TANGO2: variants seen among roughly 807,000 people sequenced by gnomAD.
TANGO2 encodes the protein transport and Golgi organization protein 2 homolog.
In TANGO2, 26 loss-of-function variants were observed where a neutral mutation model predicts 39.1. The ratio of observed to expected loss-of-function variants is 0.67; its 90% CI spans 0.49 to 0.92. TANGO2 has a LOEUF of 0.92. Among genes scored for constraint, TANGO2 ranks in the 40% least tolerant of loss-of-function variants. The pLI, the probability that TANGO2 is intolerant of heterozygous loss-of-function variation, is 0.00. For missense variants in TANGO2, 326 were observed against 360.1 expected (o/e 0.91, Z 0.77); for synonymous variants, 131 against 144.5 (o/e 0.91, Z 0.67).
Position 20,061,817 on chromosome 22 carries a change from T to C in TANGO2, c.605+134T>C, listed in dbSNP as rs410655. 464,514 of 1,136,382 alleles carry C rather than the reference T, an allele frequency of 0.41. 99,263 individuals carry two copies. Among genetic ancestry groups the C allele is most frequent in the East Asian group, 0.69 (25,861 of 37,342 alleles). 70.4% of individuals were successfully genotyped at this position (1,136,382 alleles called of 1,614,324 possible). On this transcript the variant is annotated intron_variant, in intron 7 of 8. Coordinates refer to ENST00000327374, the MANE Select transcript of TANGO2 (RefSeq NM_152906.7). ...CCCCAGCTGCAGGGAAGCTGATGGATATCCTGTCCTCCCTGCCTGTCCCCT... is the reference window on the plus strand; with the variant it reads ...CCCCAGCTGCAGGGAAGCTGATGGACATCCTGTCCTCCCTGCCTGTCCCCT...
intron 2 of TANGO2, 88 bp from the exon 3 acceptor site, chr22:20,043,267 A>C: frequency 1.0e-6 from 1 of 978,784 alleles, no homozygotes; most frequent in Non-Finnish European, 1.6e-6. Context: ...CCTTGTTGCC[A>C]CTGAGGCCAG....
rs370050221 is a variant in TANGO2 at position 20,025,550 on chromosome 22, T to A, written c.-40+4304T>A. Among the ~76,000 whole-genome samples, 45 of 152,208 alleles carry A rather than the reference T, an allele frequency of 3.0e-4. 1 individual carries two copies. In the South Asian group the frequency reaches 8.7e-3, roughly 29 times the overall value. On this transcript the variant is annotated intron_variant, in intron 1 of 8. Transcript: ENST00000327374. ...ACACCACCACCAGCACCCAGATATC[T>A]CCCTCGTGTCCCCCAGTGGCTGCCT...
intron 3 of TANGO2, among the ~76,000 whole-genome samples, chr22:20,046,708 A>G (rs2045288180): frequency 1.3e-5 from 2 of 152,108 alleles, no homozygotes; most frequent in African/African-American, 4.8e-5. Flanking sequence ...GGTTTGTTAC[A>G]TAGGTATACA....
At chr22:20,060,929 C>G (rs944222212) in intron 6 of TANGO2, among the ~76,000 whole-genome samples, 1 of 152,108 alleles carries the variant, frequency 6.6e-6, no homozygotes, top group Non-Finnish European at 1.5e-5. Flanking sequence ...CATGAGAAAC[C>G]CTTTTCCTGT....
At chr22:20,051,281 C>T (rs1437091085) in intron 3 of TANGO2, among the ~76,000 whole-genome samples, 3 of 151,754 alleles carry the variant, frequency 2.0e-5, no homozygotes, top group African/African-American at 7.3e-5. Context: ...CCTGTAATCC[C>T]AGCACTTTGG....
intron 7 of TANGO2, chr22:20,063,007 T>C (rs1568923607): frequency 3.6e-6 from 1 of 277,524 alleles, no homozygotes; most frequent in Non-Finnish European, 6.8e-6. Flanking sequence ...TAATCCCAGC[T>C]GACGGCTGGA....
intron 3 of TANGO2, among the ~76,000 whole-genome samples, chr22:20,051,882 A>T (rs2046400503): frequency 6.6e-6 from 1 of 152,198 alleles, no homozygotes; most frequent in African/African-American, 2.4e-5. Context: ...AATAATAAAA[A>T]TAACATCTTA....
At chr22:20,043,265 C>A in intron 2 of TANGO2, 90 bp from the exon 3 acceptor site, 1 of 933,238 alleles carries the variant, frequency 1.1e-6, no homozygotes, top group Non-Finnish European at 1.7e-6. Context: ...GCCCTTGTTG[C>A]CACTGAGGCC....
Position 20,043,473 on chromosome 22 carries a change from T to A in TANGO2, c.145+30T>A, listed in dbSNP as rs1443872776. On this transcript the variant is annotated intron_variant, in intron 3 of 8. Transcript: ENST00000327374. ...GTCTTCCTGCGTGCTCAGCGGTGGC[T>A]GCGCCTTGTTGCTTCCCTAGCCCCT... The A allele has an allele frequency of 7.3e-6, 11 of 1,504,696 alleles. No homozygotes were observed. In the Admixed American group the frequency reaches 1.9e-4, roughly 26 times the overall value. The allele number at this position is 1,504,696 out of a possible 1,614,324, so 93.2% of individuals were successfully genotyped here.
intron 1 of TANGO2, among the ~76,000 whole-genome samples, chr22:20,024,730 T>C (rs1174086792): frequency 6.6e-6 from 1 of 152,204 alleles, no homozygotes; most frequent in Non-Finnish European, 1.5e-5. Context: ...AGCTTGCCAT[T>C]CCTCTGTCAC....
intron 3 of TANGO2, among the ~76,000 whole-genome samples, chr22:20,046,460 ATTTT>A (rs695718): frequency 7.1e-5 from 7 of 98,552 alleles, no homozygotes; most frequent in African/African-American, 8.5e-5. Flanking sequence ...AGGCTGGGTA[ATTTT>A]TTTTTTTTTT....
In TANGO2 at chr22:20,066,976, T is replaced by TC; in HGVS notation, c.*2318dup. On this transcript the variant is annotated 3_prime_UTR_variant, in exon 9 of 9. Coordinates refer to ENST00000327374, the MANE Select transcript of TANGO2 (RefSeq NM_152906.7). ...GATTCTATTGGTGTTATGAGTTGTGTCCCCAAAGAGATATATCAGTGTCCT... is the reference window on the plus strand; with the variant it reads ...GATTCTATTGGTGTTATGAGTTGTGTCCCCCAAAGAGATATATCAGTGTCCT... 1 of 152,174 alleles carries TC rather than the reference T, an allele frequency of 6.6e-6. No homozygotes were observed. Among genetic ancestry groups the TC allele is most frequent in the Admixed American group, 6.5e-5 (1 of 15,282 alleles). The allele number at this position is 152,174 out of a possible 1,614,324, so 9.4% of individuals were successfully genotyped here. A position where few individuals can be genotyped will look rare whatever the true frequency, so the allele number is the denominator to read the frequency against.
intron 1 of TANGO2, among the ~76,000 whole-genome samples, chr22:20,026,645 C>T (rs1045974614): frequency 9.9e-5 from 15 of 152,270 alleles, no homozygotes; most frequent in African/African-American, 3.6e-4. Context: ...TTGCCCACAT[C>T]ACACCAGCTG....
At chr22:20,031,414 C>G (rs2041844626) in intron 1 of TANGO2, among the ~76,000 whole-genome samples, 2 of 152,238 alleles carry the variant, frequency 1.3e-5, no homozygotes, top group East Asian at 3.8e-4. Context: ...ACCTCACCAC[C>G]ATGCCACGTT....
intron 1 of TANGO2, among the ~76,000 whole-genome samples, chr22:20,027,437 G>A (rs2040984801): frequency 6.6e-6 from 1 of 152,210 alleles, no homozygotes; most frequent in African/African-American, 2.4e-5. Flanking sequence ...GGGCAGTGGT[G>A]AACCAGTGGG....
At chr22:20,045,837 C>G (rs1028966369) in intron 3 of TANGO2, among the ~76,000 whole-genome samples, 7 of 151,928 alleles carry the variant, frequency 4.6e-5, no homozygotes, top group African/African-American at 1.5e-4. Context: ...TCTGTCTTCT[C>G]TCTCACTCTC....
In TANGO2 at chr22:20,052,518, C is replaced by T. The variant is rs747479351; in HGVS notation, c.199C>T (p.Arg67Cys). ...EGGTWLGIST[R>C]GKLAALTNYL... ...AGGCACATGGCTGGGCATCAGCACA[C>T]GTGGCAAGCTGGCAGCACTCACCAA... The change falls in exon 4 of 9, where the codon CGT becomes TGT. Residue 67 changes from arginine to cysteine, a missense_variant. Transcript: ENST00000327374. The T allele has an allele frequency of 5.0e-5, 80 of 1,606,002 alleles. 2 individuals carry two copies. Among genetic ancestry groups the T allele is most frequent in the South Asian group, 2.7e-4 (24 of 89,378 alleles).
At chr22:20,050,950 C>T (rs1210858817) in intron 3 of TANGO2, among the ~76,000 whole-genome samples, 1 of 151,176 alleles carries the variant, frequency 6.6e-6, no homozygotes, top group African/African-American at 2.4e-5. Context: ...GCCTCAGCCC[C>T]CCGAGTAGCT....
At chr22:20,024,898 C>T (rs1265922599) in intron 1 of TANGO2, among the ~76,000 whole-genome samples, 3 of 152,060 alleles carry the variant, frequency 2.0e-5, no homozygotes, top group East Asian at 1.9e-4. Context: ...AGCTACACCC[C>T]GTCCTATGCA....
Sources: allele counts gnomAD v4.1 joint callset (sites outside exome capture counted in the v4.1 genomes callset), GRCh38; gene constraint gnomAD v4.1.1; transcripts MANE v1.5; gene names NCBI Gene and HGNC (gene_info 2026-07-23, HGNC 2026-07-21).